Variants in TBC1D10B observed in about 807,000 individuals in gnomAD.
TBC1D10B encodes the protein Rab27A-GAPbeta.
In TBC1D10B, 25 loss-of-function variants were observed where a neutral mutation model predicts 78.4. The ratio of observed to expected loss-of-function variants is 0.32; its 90% CI spans 0.23 to 0.45. The LOEUF (loss-of-function observed/expected upper bound fraction) is 0.45, where lower values mean the gene tolerates loss of function less well. TBC1D10B is among the 20% of genes least tolerant of loss of function. The pLI is 1.00. For synonymous variants in TBC1D10B, 517 were observed against 478.0 expected (o/e 1.08, Z -1.06); for missense variants, 996 against 1,104.8 (o/e 0.90, Z 1.40).
rs749745540 is a variant in TBC1D10B, at chr16:30,358,833, G to T, written c.1643-16C>A. 46 of 1,596,704 alleles carry T rather than the reference G, an allele frequency of 2.9e-5. No homozygotes were observed. Among genetic ancestry groups the T allele is most frequent in the Middle Eastern group, 2.1e-4 (1 of 4,684 alleles). On this transcript the variant is annotated splice_polypyrimidine_tract_variant and intron_variant, in intron 7 of 8. Transcript: ENST00000409939. ...ATCTTAACGCCTGCAGGGGTGGAGA[G>T]TAGAGAGCATGGGGTGGTCAGACCC...
At chr16:30,362,409 T>C (rs1342862667) in intron 4 of TBC1D10B, among the ~76,000 whole-genome samples, 1 of 152,220 alleles carries the variant, frequency 6.6e-6, no homozygotes, top group African/African-American at 2.4e-5. Flanking sequence ...GAAACCCCAC[T>C]ACATTTTGCT....
At chr16:30,358,898 C>T in intron 7 of TBC1D10B, 81 bp from the exon 8 acceptor site, 1 of 1,460,422 alleles carries the variant, frequency 6.8e-7, no homozygotes, top group Admixed American at 2.5e-5. Context: ...ACTCACAGCC[C>T]CCATCCCCAT....
chr16:30,368,758 G>C (rs1171528641), intron 1 of TBC1D10B, among the ~76,000 whole-genome samples: 1 of 152,138 alleles, frequency 6.6e-6, no homozygotes, highest in Non-Finnish European at 1.5e-5. Context: ...CTGGGACCTA[G>C]GGCTATGGGG....
In TBC1D10B at chr16:30,358,194, T is replaced by C. The variant is rs755466588; in HGVS notation, c.2177A>G (p.Lys726Arg). 1.9e-5 allele frequency: 30 copies of C among 1,552,668 alleles called. No individual in the cohort carries two copies. In the Middle Eastern group the frequency reaches 1.5e-3, roughly 78 times the overall value. ...CTCCTTCTCCTGTTTCTGCCGCTCC[T>C]TCTCCTGCTTCCGGGTCTCCTTGCT... ...GSSKETRKQE[K>R]ERQKQEKERQ... The change falls in exon 9 of 9, where the codon AAG (lysine) becomes AGG (arginine). Residue 726 changes from lysine to arginine, a missense_variant. This residue lies in a region of TBC1D10B where 285 missense variants were observed against 252.5 expected (regional missense o/e 1.13). Coordinates refer to ENST00000409939, the MANE Select transcript of TBC1D10B (RefSeq NM_015527.4).
chr16:30,367,588 G>A (rs2049646648), intron 1 of TBC1D10B: 1 of 152,260 alleles, frequency 6.6e-6, no homozygotes, highest in Admixed American at 6.5e-5. Flanking sequence ...AAGCCATGAA[G>A]AAATGAGTAG....
Position 30,357,713 on chromosome 16 carries a change from G to A in TBC1D10B, c.*231C>T, listed in dbSNP as rs993885975. The A allele has an allele frequency of 7.8e-6, 5 of 640,588 alleles. No homozygotes were observed. The highest frequency in any genetic ancestry group is 4.2e-5 in the South Asian group (2 of 48,002). The allele number at this position is 640,588 out of a possible 1,614,324, so 39.7% of individuals were successfully genotyped here. ...ACCCAGAGGGAACTGGGGCAGGAGC[G>A]ACAGAGACCCCAGCTGAGCCTCATG... On this transcript the variant is annotated 3_prime_UTR_variant, in exon 9 of 9. Coordinates refer to ENST00000409939, the MANE Select transcript of TBC1D10B (RefSeq NM_015527.4).
intron 6 of TBC1D10B, 25 bp downstream of exon 6, chr16:30,359,513 A>C: frequency 1.3e-6 from 2 of 1,554,654 alleles, no homozygotes; most frequent in Non-Finnish European, 1.7e-6. Context: ...ACAGCCCCGG[A>C]TGCACCCAGC....
rs767444049 is a variant in TBC1D10B at position 30,358,737 on chromosome 16, C to T, written c.1723G>A (p.Gly575Ser). The T allele has an allele frequency of 6.2e-7, 1 of 1,610,470 alleles. No homozygotes were observed. The highest frequency in any genetic ancestry group is 8.5e-7 in the Non-Finnish European group (1 of 1,178,370). Residue 575 changes from glycine to serine, a missense_variant, in exon 8 of 9, where the codon GGC (glycine) becomes AGC (serine). This residue lies in a region of TBC1D10B where 168 missense variants were observed against 238.7 expected (regional missense o/e 0.70). Transcript: ENST00000409939. ...GSVEKLRSCQGMYETMEQLRN... is the reference protein window; with the variant it reads ...GSVEKLRSCQSMYETMEQLRN... ...AGCTGCTCCATGGTCTCATACATGC[C>T]TTGGCAGGAGCGCAGCTTCTCCACT...
chr16:30,364,018 G>A (rs1347608891), intron 4 of TBC1D10B, among the ~76,000 whole-genome samples: 1 of 151,650 alleles, frequency 6.6e-6, no homozygotes, highest in Non-Finnish European at 1.5e-5. Context: ...TTGGGAGACT[G>A]AGGCAGGAGA....
chr16:30,359,316 G>C lies in TBC1D10B; in HGVS notation c.1498C>G (p.Arg500Gly), dbSNP rs780133019. The change falls in exon 7 of 9, where the codon CGG becomes GGG. Residue 500 changes from arginine (R) to glycine (G), a missense_variant. Physicochemically the swap from Arg to Gly is moderately radical, Grantham distance 125. This residue lies in a region of TBC1D10B where 168 missense variants were observed against 238.7 expected (regional missense o/e 0.70). Transcript: ENST00000409939. ...TGGCGATGCGCCAGCGGGGAGGCCC[G>C]GCGCAGGAGTGCAAAAAAGATCTCC... The part of the protein sequence containing the change: ...DGEIFFALLR[R>G]ASPLAHRHLR... The C allele has an allele frequency of 2.5e-6, 4 of 1,593,336 alleles. No individual in the cohort carries two copies. Among genetic ancestry groups the C allele is most frequent in the African/African-American group, 1.3e-5 (1 of 74,598 alleles).
chr16:30,364,117 CAAA>C (rs566136462), intron 4 of TBC1D10B, among the ~76,000 whole-genome samples: 4 of 106,884 alleles, frequency 3.7e-5, no homozygotes, highest in African/African-American at 3.5e-5. Context: ...AACTCCATCT[CAAA>C]AAAAAAAAAA....
intron 4 of TBC1D10B, among the ~76,000 whole-genome samples, chr16:30,363,853 C>T (rs1032444559): frequency 1.3e-5 from 2 of 152,194 alleles, no homozygotes; most frequent in African/African-American, 4.8e-5. Flanking sequence ...TGTTGGCTCA[C>T]GCCTATAACG....
At chr16:30,366,520 TAATAA>T (rs2049638090) in intron 1 of TBC1D10B, 1 of 151,702 alleles carries the variant, frequency 6.6e-6, no homozygotes, top group South Asian at 2.1e-4. Flanking sequence ...AAAATAATAA[TAATAA>T]AATAAAATAC....
intron 4 of TBC1D10B, among the ~76,000 whole-genome samples, chr16:30,361,971 C>T (rs1486671472): frequency 6.6e-6 from 1 of 152,090 alleles, no homozygotes; most frequent in Non-Finnish European, 1.5e-5. Flanking sequence ...CTCAGCCTCC[C>T]GAGTAGCTGC....
At chr16:30,361,916 G>A (rs1376762668) in intron 4 of TBC1D10B, among the ~76,000 whole-genome samples, 6 of 150,470 alleles carry the variant, frequency 4.0e-5, no homozygotes, top group South Asian at 2.1e-4. Context: ...GCGCGATCTC[G>A]GCTCACTGCA....
Position 30,364,800 on chromosome 16 carries a change from G to A in TBC1D10B, c.1271+100C>T, listed in dbSNP as rs568356488. 12 of 1,098,596 alleles carry A rather than the reference G, an allele frequency of 1.1e-5. No homozygotes were observed. In the South Asian group the frequency reaches 1.3e-4, roughly 12 times the overall value. The allele number at this position is 1,098,596 out of a possible 1,614,324, so 68.1% of individuals were successfully genotyped here. ...GATAGCTCTTCTACAAGTCCTGAAG[G>A]GCAAAAACCACTTTCGACTCAGTCT... On this transcript the variant is annotated intron_variant, in intron 4 of 8. Transcript: ENST00000409939.
At chr16:30,361,972 G>A (rs976226648) in intron 4 of TBC1D10B, among the ~76,000 whole-genome samples, 1 of 151,918 alleles carries the variant, frequency 6.6e-6, no homozygotes, top group African/African-American at 2.4e-5. Context: ...TCAGCCTCCC[G>A]AGTAGCTGCA....
At position 30,365,174 on chromosome 16, in the gene TBC1D10B, G is replaced by A. The variant is rs1284825843; in HGVS notation, c.1095C>T (p.Leu365=). The A allele has an allele frequency of 1.2e-6, 2 of 1,613,784 alleles. No individual in the cohort carries two copies. Among genetic ancestry groups the A allele is most frequent in the Non-Finnish European group, 8.5e-7 (1 of 1,179,834 alleles). Reference sequence around the variant, plus strand: ...ACAGGTACTGCCAGGCTTTGGCTCTGAGAGAGGAGGGGATCCCCTTCCGGC... The same window carrying A: ...ACAGGTACTGCCAGGCTTTGGCTCTAAGAGAGGAGGGGATCCCCTTCCGGC... ...LRCRKGIPSS[L]RAKAWQYLSN... Residue 365 remains leucine, a synonymous_variant, in exon 3 of 9, where the codon CTC becomes CTT. Coordinates refer to ENST00000409939, the MANE Select transcript of TBC1D10B (RefSeq NM_015527.4). This position sits in a 1 kb window ranked among gnomAD's most constrained non-coding sequence, Gnocchi z 5.0.
In TBC1D10B at chr16:30,358,114, G is replaced by C; in HGVS notation, c.2257C>G (p.Arg753Gly). The change falls in exon 9 of 9, where the codon CGA (arginine) becomes GGA (glycine). Residue 753 changes from arginine (R) to glycine (G), a missense_variant. Arg to Gly is a moderately radical substitution (Grantham distance 125). Transcript: ENST00000409939. ...EKERQKQEKE[R>G]EKQEKEREKQ... ...TCTCGCTCCTTTTCCTGCTTCTCTCGCTCTTTCTCCTGCTTCTGCCGCTCC... is the reference window on the plus strand; with the variant it reads ...TCTCGCTCCTTTTCCTGCTTCTCTCCCTCTTTCTCCTGCTTCTGCCGCTCC... The C allele has an allele frequency of 1.3e-6, 2 of 1,551,304 alleles. No individual in the cohort carries two copies. Among genetic ancestry groups the C allele is most frequent in the East Asian group, 2.4e-5 (1 of 40,902 alleles).
Sources: gnomAD v4.1 joint callset for allele counts (sites outside exome capture counted in the v4.1 genomes callset) on GRCh38, gnomAD v4.1.1 for gene constraint, gnomAD v4.1.1 regional missense constraint, Gnocchi (gnomAD v3.1) non-coding constraint, MANE v1.5 for transcripts, NCBI Gene and HGNC (gene_info 2026-07-23, HGNC 2026-07-21) for gene names.